Variants in PRKAR1A observed in about 807,000 individuals in gnomAD.
PRKAR1A encodes protein kinase cAMP-dependent type I regulatory subunit alpha.
Under a neutral mutation model 52.0 loss-of-function variants are expected in PRKAR1A, and 3 were observed. The observed-to-expected ratio is 0.06, with a 90% CI of 0.03 to 0.15. The LOEUF (loss-of-function observed/expected upper bound fraction) is 0.15, where lower values mean the gene tolerates loss of function less well. Among genes scored for constraint, PRKAR1A ranks in the 10% least tolerant of loss-of-function variants. The probability of loss-of-function intolerance (pLI) is 1.00; values close to 1 mark genes in which losing one functional copy is unlikely to be tolerated. For synonymous variants in PRKAR1A, 188 were observed against 168.4 expected (o/e 1.12, Z -0.90); for missense variants, 240 against 477.4 (o/e 0.50, Z 4.63).
upstream of PRKAR1A, among the ~76,000 whole-genome samples, chr17:68,508,739 C>T (rs1355819050): frequency 6.6e-6 from 1 of 152,180 alleles, no homozygotes; most frequent in Non-Finnish European, 1.5e-5. Context: ...GATATTTTTA[C>T]TTGGAACGCT....
chr17:68,478,753 A>G, the PRKAR1A span, among the ~76,000 whole-genome samples: 1 of 147,096 alleles, frequency 6.8e-6, no homozygotes, highest in Non-Finnish European at 1.5e-5. Context: ...TTTGAGACAG[A>G]CTCTCGCTCT....
chr17:68,476,855 G>T, the PRKAR1A span, among the ~76,000 whole-genome samples: 1 of 151,946 alleles, frequency 6.6e-6, no homozygotes, highest in East Asian at 1.9e-4. Flanking sequence ...TAGGGATGGG[G>T]TTTCACCATG....
chr17:68,490,160 C>T, the PRKAR1A span, among the ~76,000 whole-genome samples: 809 of 152,340 alleles, frequency 5.3e-3, 14 homozygotes, highest in African/African-American at 0.019. Flanking sequence ...GAGCAGACAG[C>T]CCTTCAGCTC....
At chr17:68,431,535 T>G in the PRKAR1A span, among the ~76,000 whole-genome samples, 1 of 152,052 alleles carries the variant, frequency 6.6e-6, no homozygotes, top group Admixed American at 6.5e-5. Context: ...GGAATAAAGG[T>G]GTCTGAGGAG....
At chr17:68,535,609 A>G, downstream of PRKAR1A, 1 of 454,128 alleles carries the variant, frequency 2.2e-6, no homozygotes, top group Non-Finnish European at 4.4e-6. Flanking sequence ...GTAGGGCCAC[A>G]ACAGTTAAGG....
the PRKAR1A span, among the ~76,000 whole-genome samples, chr17:68,495,239 T>C: frequency 1.3e-5 from 2 of 152,138 alleles, no homozygotes; most frequent in Admixed American, 6.5e-5. Flanking sequence ...CACTATATTT[T>C]CCAGGCTGGT....
chr17:68,460,031 G>A, the PRKAR1A span, among the ~76,000 whole-genome samples: 2 of 152,126 alleles, frequency 1.3e-5, no homozygotes, highest in Admixed American at 6.5e-5. Context: ...ATGTTGGTCA[G>A]GCTGGTCTCA....
intron 11 of PRKAR1A, among the ~76,000 whole-genome samples, chr17:68,550,928 A>C (rs1211819998): frequency 1.3e-5 from 2 of 151,828 alleles, no homozygotes; most frequent in Non-Finnish European, 2.9e-5. Flanking sequence ...CCCTGCCCTT[A>C]GAACCATCTA....
the PRKAR1A span, among the ~76,000 whole-genome samples, chr17:68,466,028 G>T: frequency 1.3e-5 from 2 of 152,174 alleles, no homozygotes; most frequent in Non-Finnish European, 2.9e-5. Flanking sequence ...GGTCAGCATG[G>T]AGATTGGTTG....
chr17:68,494,366 C>G, the PRKAR1A span, among the ~76,000 whole-genome samples: 1 of 152,044 alleles, frequency 6.6e-6, no homozygotes, highest in African/African-American at 2.4e-5. Flanking sequence ...ATAGAGAAAC[C>G]TCATCTCTAC....
intron 11 of PRKAR1A, chr17:68,543,811 A>G: frequency 8.6e-7 from 1 of 1,158,690 alleles, no homozygotes; most frequent in Non-Finnish European, 1.3e-6. Flanking sequence ...CGAGAAAGGA[A>G]AACGGGCTTT....
chr17:68,435,927 C>A, the PRKAR1A span, among the ~76,000 whole-genome samples: 1 of 152,240 alleles, frequency 6.6e-6, no homozygotes, highest in African/African-American at 2.4e-5. Flanking sequence ...CCTTTTCCTG[C>A]CCTTGGGAAG....
chr17:68,450,783 T>C, the PRKAR1A span: 1 of 1,614,034 alleles, frequency 6.2e-7, no homozygotes, highest in Non-Finnish European at 8.5e-7. Flanking sequence ...ATTACAGATC[T>C]CTGTGCCTTT....
At chr17:68,511,009 A>G (rs2085257209), upstream of PRKAR1A, among the ~76,000 whole-genome samples, 1 of 152,196 alleles carries the variant, frequency 6.6e-6, no homozygotes, top group African/African-American at 2.4e-5. Context: ...CAAAAGTGAA[A>G]TTAACTTTAA....
Position 68,522,914 on chromosome 17 carries a change from C to A in PRKAR1A, c.336C>A (p.Ser112=), listed in dbSNP as rs1600479267. 2.5e-6 allele frequency: 4 copies of A among 1,613,582 alleles called. No homozygotes were observed. Among genetic ancestry groups the A allele is most frequent in the Non-Finnish European group, 3.4e-6 (4 of 1,179,836 alleles). The stretch of plus-strand genomic sequence containing the variant: ...TCTACACGGAGGAAGATGCGGCATC[C>A]TATGTTAGAAAGGTAGTTTTGATAT... ...AEVYTEEDAA[S]YVRKVIPKDY... is the part of the protein sequence containing the mutation. The change falls in exon 3 of 11, where the codon TCC becomes TCA. Residue 112 remains serine (S), a synonymous_variant. Coordinates refer to ENST00000589228, the MANE Select transcript of PRKAR1A (RefSeq NM_002734.5).
chr17:68,537,612 G>A (rs1294354780), downstream of PRKAR1A: 1 of 1,613,704 alleles, frequency 6.2e-7, no homozygotes, highest in Non-Finnish European at 8.5e-7. The surrounding 1 kb of genome is among the most constrained non-coding windows in gnomAD (Gnocchi z 4.2). Flanking sequence ...TTCGATCCAG[G>A]GCAAGGAGGT....
At chr17:68,544,709 C>G (rs974813063) in intron 11 of PRKAR1A, among the ~76,000 whole-genome samples, 2 of 151,026 alleles carry the variant, frequency 1.3e-5, no homozygotes, top group Non-Finnish European at 3.0e-5. Context: ...GCCACCGTTA[C>G]AGCACAACCC....
At chr17:68,490,615 G>T in the PRKAR1A span, among the ~76,000 whole-genome samples, 1 of 152,044 alleles carries the variant, frequency 6.6e-6, no homozygotes, top group East Asian at 1.9e-4. Context: ...AAGGTTTGGG[G>T]TAATAAAACT....
downstream of PRKAR1A, among the ~76,000 whole-genome samples, chr17:68,538,399 A>C (rs917260858): frequency 3.9e-5 from 6 of 152,262 alleles, no homozygotes; most frequent in African/African-American, 1.4e-4. Flanking sequence ...TAGATGAGGA[A>C]TACTCATGCT....
Sources: allele counts gnomAD v4.1 joint callset (sites outside exome capture counted in the v4.1 genomes callset), GRCh38; gene constraint gnomAD v4.1.1; non-coding constraint Gnocchi (gnomAD v3.1); transcripts MANE v1.5; gene names NCBI Gene and HGNC (gene_info 2026-07-23, HGNC 2026-07-21).